CSMD1: variants seen among roughly 807,000 people sequenced by gnomAD.
CSMD1 encodes CUB and sushi domain-containing protein 1.
CSMD1 carries 213 observed loss-of-function variants against 417.5 expected under a neutral mutation model. The observed-to-expected ratio is 0.51, with a 90% CI of 0.46 to 0.57. The LOEUF (loss-of-function observed/expected upper bound fraction) is 0.57, where lower values mean the gene tolerates loss of function less well. Ranked by LOEUF, CSMD1 falls within the 20% of genes least tolerant of loss-of-function variation. The probability of loss-of-function intolerance (pLI) is 0.00; values close to 1 mark genes in which losing one functional copy is unlikely to be tolerated. For missense variants in CSMD1, 6,923 were observed against 4,529.7 expected, an observed-to-expected ratio of 1.53 and a Z score of -15.17; for synonymous variants, 2,862 against 1,736.8, an observed-to-expected ratio of 1.65 and a Z score of -16.11.
intron 10 of CSMD1, among the ~76,000 whole-genome samples, chr8:3,537,397 G>A (rs922164246): frequency 6.6e-6 from 1 of 152,060 alleles, no homozygotes; most frequent in African/African-American, 2.4e-5. Context: ...AAGTTATCAT[G>A]CAACAGACAC....
chr8:4,161,168 A>G (rs914414697), intron 3 of CSMD1, among the ~76,000 whole-genome samples: 5 of 152,094 alleles, frequency 3.3e-5, no homozygotes, highest in East Asian at 1.9e-4. Context: ...GTTCAGAAGG[A>G]TGAAGTACTT....
At chr8:3,107,581 G>A (rs904416691) in intron 45 of CSMD1, 137 bp downstream of exon 45, 27 of 543,590 alleles carry the variant, frequency 5.0e-5, no homozygotes, top group Admixed American at 2.2e-4. Context: ...ATACTTTAAG[G>A]ATAGTTTGTT....
chr8:3,711,337 C>A (rs1273877316), intron 6 of CSMD1, among the ~76,000 whole-genome samples: 1 of 152,170 alleles, frequency 6.6e-6, no homozygotes, highest in African/African-American at 2.4e-5. Flanking sequence ...GGTGGGCCAC[C>A]CAGATCCCCC....
rs1002211222 is a variant in CSMD1 at position 2,938,345 on chromosome 8, T to G, written c.*240A>C. 4.4e-6 allele frequency: 2 copies of G among 451,656 alleles called. No homozygotes were observed. Among genetic ancestry groups the G allele is most frequent in the East Asian group, 6.9e-5 (2 of 28,954 alleles). 28.0% of individuals were successfully genotyped at this position (451,656 alleles called of 1,614,324 possible). A position where few individuals can be genotyped will look rare whatever the true frequency, so the allele number is the denominator to read the frequency against. On this transcript the variant is annotated 3_prime_UTR_variant, in exon 70 of 70. Coordinates refer to ENST00000635120, the MANE Select transcript of CSMD1 (RefSeq NM_033225.6). ...CTTCCTGGAGTGTGCCTTGATTTCA[T>G]ACAGATGCAGCCAGGCATTTAGAAC...
At chr8:4,584,805 T>C (rs753873531) in intron 2 of CSMD1, among the ~76,000 whole-genome samples, 1 of 152,118 alleles carries the variant, frequency 6.6e-6, no homozygotes, top group African/African-American at 2.4e-5. Context: ...CTTCTAAAAA[T>C]TGCTACCTGT....
intron 1 of CSMD1, among the ~76,000 whole-genome samples, chr8:4,653,077 G>A (rs1318208287): frequency 6.6e-6 from 1 of 152,020 alleles, no homozygotes; most frequent in Non-Finnish European, 1.5e-5. Context: ...CGCTCTAGAG[G>A]ATGTGTTTAT....
intron 3 of CSMD1, among the ~76,000 whole-genome samples, chr8:4,042,815 TAAAAAAAAAAAAAAAA>T (rs60411612): frequency 2.4e-5 from 1 of 41,312 alleles, no homozygotes; most frequent in East Asian, 6.8e-4. Context: ...TACAACATAT[TAAAAAAAAAAAAAAAA>T]AAAAAAAAAA....
intron 1 of CSMD1, among the ~76,000 whole-genome samples, chr8:4,674,322 A>C (rs1239973689): frequency 6.6e-6 from 1 of 152,140 alleles, no homozygotes; most frequent in Non-Finnish European, 1.5e-5. Context: ...GGCTGAAAAA[A>C]ATGCTAAGGA....
At chr8:4,441,516 A>G (rs1798481964) in intron 2 of CSMD1, among the ~76,000 whole-genome samples, 1 of 152,114 alleles carries the variant, frequency 6.6e-6, no homozygotes, top group Non-Finnish European at 1.5e-5. Context: ...TGCATTATAA[A>G]TAACTTTCAA....
At chr8:4,605,025 C>A (rs1800792282) in intron 2 of CSMD1, among the ~76,000 whole-genome samples, 2 of 152,152 alleles carry the variant, frequency 1.3e-5, no homozygotes, top group Admixed American at 6.5e-5. Flanking sequence ...CAACAACCCC[C>A]ATGATATCTG....
chr8:3,661,934 G>A (rs373483564), intron 7 of CSMD1, among the ~76,000 whole-genome samples: 18 of 152,202 alleles, frequency 1.2e-4, no homozygotes, highest in African/African-American at 3.6e-4. Flanking sequence ...AGAGGAGTAA[G>A]ATTGAGGGAA....
intron 3 of CSMD1, among the ~76,000 whole-genome samples, chr8:4,328,840 A>G (rs1799704355): frequency 6.6e-6 from 1 of 152,222 alleles, no homozygotes; most frequent in Non-Finnish European, 1.5e-5. Flanking sequence ...AGCTTAAGCA[A>G]TTCTTGCTAG....
At chr8:4,150,971 G>C (rs972540618) in intron 3 of CSMD1, among the ~76,000 whole-genome samples, 1 of 152,124 alleles carries the variant, frequency 6.6e-6, no homozygotes, top group Non-Finnish European at 1.5e-5. Context: ...AAGTCTTCCA[G>C]ATACAGGACT....
chr8:3,097,112 G>C lies in CSMD1; in HGVS notation c.6950-75C>G, dbSNP rs1336491126. 2.6e-6 allele frequency: 3 copies of C among 1,154,152 alleles called. No individual in the cohort carries two copies. The African/African-American group carries it at 4.7e-5, about 18-fold the overall frequency. The allele number at this position is 1,154,152 out of a possible 1,614,324, so 71.5% of individuals were successfully genotyped here. Reference sequence around the variant, plus strand: ...CTGCAATAGGATAGTTTCTATCCCTGTATAAACAAGTCAATGAAAGGAAAA... The same window carrying C: ...CTGCAATAGGATAGTTTCTATCCCTCTATAAACAAGTCAATGAAAGGAAAA... On this transcript the variant is annotated intron_variant, in intron 46 of 69. Coordinates refer to ENST00000635120, the MANE Select transcript of CSMD1 (RefSeq NM_033225.6).
intron 1 of CSMD1, among the ~76,000 whole-genome samples, chr8:4,794,358 G>C (rs1331370197): frequency 1.3e-5 from 2 of 152,132 alleles, no homozygotes; most frequent in African/African-American, 2.4e-5. Flanking sequence ...TTCTCATATA[G>C]GAGGGATTTC....
intron 3 of CSMD1, among the ~76,000 whole-genome samples, chr8:4,143,653 G>A (rs532755484): frequency 1.3e-5 from 2 of 151,026 alleles, no homozygotes; most frequent in Non-Finnish European, 2.9e-5. Flanking sequence ...AGCATTGACT[G>A]TGAGTTCTCC....
chr8:4,367,790 A>G (rs114323384), intron 3 of CSMD1, among the ~76,000 whole-genome samples: 1 of 152,048 alleles, frequency 6.6e-6, no homozygotes, highest in African/African-American at 2.4e-5. Flanking sequence ...TTGGTAAGTT[A>G]TATCCCTAGG....
intron 3 of CSMD1, among the ~76,000 whole-genome samples, chr8:4,348,111 C>G (rs541760414): frequency 6.6e-6 from 1 of 152,150 alleles, no homozygotes; most frequent in South Asian, 2.1e-4. Context: ...GCTTGGCTAA[C>G]TACCAGTTAG....
chr8:3,197,179 T>C (rs778180704), intron 33 of CSMD1, among the ~76,000 whole-genome samples: 3 of 152,172 alleles, frequency 2.0e-5, no homozygotes, highest in Admixed American at 2.0e-4. Context: ...CTAACCAGGA[T>C]GACATGGAGG....
Sources: allele counts gnomAD v4.1 joint callset (sites outside exome capture counted in the v4.1 genomes callset), GRCh38; gene constraint gnomAD v4.1.1; transcripts MANE v1.5; gene names NCBI Gene and HGNC (gene_info 2026-07-23, HGNC 2026-07-21).